Variants in ANKS1B observed in about 807,000 individuals in gnomAD.
ANKS1B encodes ankyrin repeat and sterile alpha motif domain containing 1B.
In ANKS1B, 36 loss-of-function variants were observed where a neutral mutation model predicts 148.3. That is an observed-to-expected ratio of 0.24 (90% confidence interval 0.19 to 0.32). The LOEUF (loss-of-function observed/expected upper bound fraction) is 0.32. ANKS1B is among the 10% of genes least tolerant of loss of function. The pLI is 1.00. For synonymous variants in ANKS1B, 542 were observed against 560.8 expected, an observed-to-expected ratio of 0.97 and a Z score of 0.47; for missense variants, 1,157 against 1,542.6, an observed-to-expected ratio of 0.75 and a Z score of 4.19.
chr12:98,771,790 C>A (rs753566059), intron 25 of ANKS1B, among the ~76,000 whole-genome samples: 1 of 152,166 alleles, frequency 6.6e-6, no homozygotes, highest in Non-Finnish European at 1.5e-5. Context: ...AGACTAATTT[C>A]TGAATGAGCA....
At chr12:99,702,420 C>G (rs1426403215) in intron 8 of ANKS1B, among the ~76,000 whole-genome samples, 1 of 152,036 alleles carries the variant, frequency 6.6e-6, no homozygotes, top group Non-Finnish European at 1.5e-5. Context: ...TGTTTGAGTT[C>G]CTTATACACT....
In ANKS1B at chr12:99,782,090, T is replaced by G. The variant is rs936126462; in HGVS notation, c.677A>C (p.Lys226Thr). The change falls in exon 5 of 27, where the codon AAG becomes ACG. Residue 226 changes from lysine (K) to threonine (T), a missense_variant. Transcript: ENST00000683438. ...AGMDVSCQTE[K>T]GSALHEAALF... is the part of the protein sequence containing the mutation. ...AGCTGCTTCATGAAGTGCACTCCCCTTTTCTGTCTGGAAAAAAAAAAGTAA... is the reference window on the plus strand; with the variant it reads ...AGCTGCTTCATGAAGTGCACTCCCCGTTTCTGTCTGGAAAAAAAAAAGTAA... 1 of 1,598,772 alleles carries G rather than the reference T, an allele frequency of 6.3e-7. No individual in the cohort carries two copies. The highest frequency in any genetic ancestry group is 1.3e-5 in the African/African-American group (1 of 74,508).
chr12:98,966,993 C>T (rs1342644925), intron 17 of ANKS1B, among the ~76,000 whole-genome samples: 6 of 151,958 alleles, frequency 3.9e-5, no homozygotes, highest in South Asian at 2.1e-4. Context: ...ACATATGTAA[C>T]AAACCTGCAC....
chr12:98,778,800 T>G (rs1242437498), intron 24 of ANKS1B, among the ~76,000 whole-genome samples: 2 of 152,166 alleles, frequency 1.3e-5, no homozygotes, highest in African/African-American at 2.4e-5. Flanking sequence ...ACTATTTTCT[T>G]TCTTCTAACC....
At chr12:99,636,074 T>G (rs764520971) in intron 9 of ANKS1B, among the ~76,000 whole-genome samples, 1 of 151,722 alleles carries the variant, frequency 6.6e-6, no homozygotes, top group Non-Finnish European at 1.5e-5. Context: ...AAAAAAAAGA[T>G]AAATACCAAG....
At chr12:99,683,332 T>C (rs1275351595) in intron 8 of ANKS1B, among the ~76,000 whole-genome samples, 1 of 152,020 alleles carries the variant, frequency 6.6e-6, no homozygotes, top group Non-Finnish European at 1.5e-5. Flanking sequence ...AAAAGATCAT[T>C]CAAGACTACT....
At chr12:99,162,686 G>A (rs534027022) in intron 14 of ANKS1B, among the ~76,000 whole-genome samples, 1 of 152,134 alleles carries the variant, frequency 6.6e-6, no homozygotes, top group Non-Finnish European at 1.5e-5. Context: ...GTATATGGGA[G>A]AGTATTTTTG....
rs552306893 is a variant in ANKS1B at position 98,884,522 on chromosome 12, G to A, written c.2779-52386C>T. On this transcript the variant is annotated intron_variant, in intron 17 of 26. Transcript: ENST00000683438. Reference sequence around the variant, plus strand: ...TTTAGAAACTATCTATTTGGGGGCCGGGCGCGGTGGCTCACGCCTGTAATC... The same window carrying A: ...TTTAGAAACTATCTATTTGGGGGCCAGGCGCGGTGGCTCACGCCTGTAATC... Among the ~76,000 whole-genome samples the A allele has an allele frequency of 4.8e-4, 73 of 152,218 alleles. No individual in the cohort carries two copies. In the South Asian group the frequency reaches 0.011, roughly 23 times the overall value.
chr12:99,647,354 A>G (rs191149299), intron 9 of ANKS1B, among the ~76,000 whole-genome samples: 1 of 152,342 alleles, frequency 6.6e-6, no homozygotes, highest in East Asian at 1.9e-4. Context: ...AATGCTGTTT[A>G]TAATTTTTTA....
rs895266378 is a variant in ANKS1B, at chr12:99,784,170, T to C, written c.670-2073A>G. On this transcript the variant is annotated intron_variant, in intron 4 of 26. Transcript: ENST00000683438. The stretch of plus-strand genomic sequence containing the variant: ...ATGCTCCAGGCATACTGAACTTTCT[T>C]TTTTTTTTTTTTTTTTTTTGAGACG... Among the ~76,000 whole-genome samples the C allele has an allele frequency of 6.0e-4, 23 of 38,622 alleles. No homozygotes were observed. In the East Asian group the frequency reaches 0.02, roughly 34 times the overall value. 25.3% of individuals were successfully genotyped at this position (38,622 alleles called of 152,430 possible).
At chr12:98,922,811 A>T (rs2099803260) in intron 17 of ANKS1B, among the ~76,000 whole-genome samples, 1 of 152,158 alleles carries the variant, frequency 6.6e-6, no homozygotes. Flanking sequence ...TAAGGGCTTA[A>T]TGTGAATGTT....
chr12:99,594,106 T>C (rs1041852336), intron 9 of ANKS1B, among the ~76,000 whole-genome samples: 3 of 152,088 alleles, frequency 2.0e-5, no homozygotes, highest in African/African-American at 7.2e-5. Context: ...TGGGGGTATT[T>C]ATCTGCCTCA....
At chr12:99,484,684 T>G (rs568661799) in intron 10 of ANKS1B, among the ~76,000 whole-genome samples, 1 of 151,866 alleles carries the variant, frequency 6.6e-6, no homozygotes, top group East Asian at 1.9e-4. Flanking sequence ...TAGGTGTATA[T>G]ATATTTAGGA....
At chr12:99,758,246 C>T (rs1292314335) in intron 8 of ANKS1B, among the ~76,000 whole-genome samples, 2 of 151,938 alleles carry the variant, frequency 1.3e-5, no homozygotes, top group African/African-American at 4.8e-5. Flanking sequence ...TGGTTTGACA[C>T]CTTCTGTGTG....
intron 16 of ANKS1B, among the ~76,000 whole-genome samples, chr12:99,056,618 G>T (rs75175853): frequency 0.011 from 1,648 of 152,230 alleles, 28 homozygotes; most frequent in African/African-American, 0.038. Flanking sequence ...ATTCAAGGCC[G>T]ATTGAGATTA....
chr12:99,941,079 T>G (rs1259584641), intron 1 of ANKS1B, among the ~76,000 whole-genome samples: 1 of 152,120 alleles, frequency 6.6e-6, no homozygotes, highest in African/African-American at 2.4e-5. Flanking sequence ...TAGCAGAATA[T>G]CTGGTATGTC....
chr12:99,271,598 A>G (rs894373920), intron 12 of ANKS1B, among the ~76,000 whole-genome samples: 12 of 148,326 alleles, frequency 8.1e-5, no homozygotes, highest in African/African-American at 3.0e-4. Flanking sequence ...GTTAAATTAA[A>G]AAGTTGTTCA....
chr12:99,112,177 T>C (rs887484434), intron 15 of ANKS1B, among the ~76,000 whole-genome samples: 3 of 152,126 alleles, frequency 2.0e-5, no homozygotes, highest in Non-Finnish European at 4.4e-5. Flanking sequence ...ACAGTGAAGC[T>C]GAAACTTCAA....
chr12:99,246,917 A>T, intron 12 of ANKS1B, 53 bp from the exon 13 acceptor site: 1 of 1,355,974 alleles, frequency 7.4e-7, no homozygotes, highest in East Asian at 2.3e-5. Flanking sequence ...GAAAGCCACG[A>T]TATAATAGCA....
Sources: allele counts gnomAD v4.1 joint callset (sites outside exome capture counted in the v4.1 genomes callset), GRCh38; gene constraint gnomAD v4.1.1; transcripts MANE v1.5; gene names NCBI Gene and HGNC (gene_info 2026-07-23, HGNC 2026-07-21).